The following SCAPER variants were observed in gnomAD, a reference collection of about 807,000 sequenced individuals.
SCAPER encodes the protein S phase cyclin A-associated protein in the endoplasmic reticulum.
Under a neutral mutation model 182.2 loss-of-function variants are expected in SCAPER, and 98 were observed. That is an observed-to-expected ratio of 0.54 (90% CI 0.46 to 0.64). The LOEUF (loss-of-function observed/expected upper bound fraction) is 0.64. Ranked by LOEUF, SCAPER falls within the 30% of genes least tolerant of loss-of-function variation. SCAPER has a pLI of 0.00. For synonymous variants in SCAPER, 605 were observed against 564.6 expected, an observed-to-expected ratio of 1.07 and a Z score of -1.01; for missense variants, 1,432 against 1,690.0, an observed-to-expected ratio of 0.85 and a Z score of 2.68.
At chr15:76,722,027 G>T (rs575030837) in intron 17 of SCAPER, among the ~76,000 whole-genome samples, 2 of 152,022 alleles carry the variant, frequency 1.3e-5, no homozygotes, top group Admixed American at 6.6e-5. Flanking sequence ...GAATGCTTCC[G>T]GTTTTTGTCC....
chr15:76,574,399 C>T, intron 22 of SCAPER, 115 bp from the exon 23 acceptor site: 2 of 1,225,914 alleles, frequency 1.6e-6, no homozygotes, highest in Non-Finnish European at 2.2e-6. Context: ...AAATGCTTCA[C>T]AGAGCATCTG....
chr15:76,563,653 C>A (rs759322139), intron 23 of SCAPER, among the ~76,000 whole-genome samples: 17 of 152,154 alleles, frequency 1.1e-4, no homozygotes, highest in Non-Finnish European at 1.6e-4. Flanking sequence ...GGACTCCCCC[C>A]CAGTTCATTC....
At chr15:76,517,540 T>C (rs1049145464) in intron 23 of SCAPER, among the ~76,000 whole-genome samples, 28 of 151,990 alleles carry the variant, frequency 1.8e-4, no homozygotes, top group Admixed American at 1.7e-3. Context: ...TTAGTAGAGA[T>C]GGGGTTTCAC....
At chr15:76,573,340 T>C (rs532013116) in intron 23 of SCAPER, among the ~76,000 whole-genome samples, 1 of 152,250 alleles carries the variant, frequency 6.6e-6, no homozygotes, top group African/African-American at 2.4e-5. Flanking sequence ...GTATTCATAT[T>C]ATTTTTTATT....
At position 76,754,521 on chromosome 15, in the gene SCAPER, T is replaced by C. The variant is rs566280655; in HGVS notation, c.1726-573A>G. ...CTACAAAAAAAGATAGATGTAGTAA[T>C]TGCTATTTGATGTTATTTTAAGAAA... On this transcript the variant is annotated intron_variant, in intron 14 of 31. Transcript: ENST00000563290. Among the ~76,000 whole-genome samples the C allele has an allele frequency of 2.0e-5, 3 of 152,196 alleles. No homozygotes were observed. In the South Asian group the frequency reaches 6.2e-4, roughly 32 times the overall value.
chr15:76,816,322 T>C (rs1252618959), intron 5 of SCAPER, among the ~76,000 whole-genome samples: 1 of 152,194 alleles, frequency 6.6e-6, no homozygotes, highest in Non-Finnish European at 1.5e-5. Context: ...CAAAATTATC[T>C]TTATAACCTC....
Position 76,585,903 on chromosome 15 carries a change from T to C in SCAPER, c.2712-11619A>G, listed in dbSNP as rs930716743. 5.3e-5 allele frequency among the ~76,000 whole-genome samples: 8 copies of C among 152,196 alleles called. No homozygotes were observed. The East Asian group carries it at 1.5e-3, about 29-fold the overall frequency. On this transcript the variant is annotated intron_variant, in intron 22 of 31. Coordinates refer to ENST00000563290, the MANE Select transcript of SCAPER (RefSeq NM_020843.4). ...AAAAACAGGAGCTGCTTAGAGAGTG[T>C]AGTTTTTAACAACAGAAAGTTTTAT...
intron 14 of SCAPER, among the ~76,000 whole-genome samples, chr15:76,759,959 T>C (rs1035740987): frequency 1.2e-4 from 19 of 152,240 alleles, no homozygotes; most frequent in African/African-American, 3.6e-4. Context: ...GGAATCAGAG[T>C]GATGCTGGCC....
chr15:76,614,649 T>C lies in SCAPER; in HGVS notation c.2711+7115A>G, dbSNP rs549329386. ...AAAATGAAAGCACAACATATCAAAA[T>C]GCATGAGACACAGTGAAAGAAGGGG... On this transcript the variant is annotated intron_variant, in intron 22 of 31. Coordinates refer to ENST00000563290, the MANE Select transcript of SCAPER (RefSeq NM_020843.4). Among the ~76,000 whole-genome samples the C allele has an allele frequency of 2.5e-4, 38 of 152,122 alleles. 1 individual carries two copies. Among genetic ancestry groups the C allele is most frequent in the South Asian group, 4.1e-4 (2 of 4,824 alleles).
Position 76,348,679 on chromosome 15 carries a change from G to T in SCAPER, c.4157C>A (p.Ala1386Asp). 6.4e-7 allele frequency: 1 copy of T among 1,556,262 alleles called. No homozygotes were observed. The highest frequency in any genetic ancestry group is 1.7e-4 in the Middle Eastern group (1 of 5,984). Residue 1386 changes from alanine to aspartate, a missense_variant, in exon 32 of 32, where the codon GCC becomes GAC. Physicochemically the swap from Ala to Asp is moderately radical, Grantham distance 126. This residue lies in a region of SCAPER where 718 missense variants were observed against 799.7 expected (regional missense o/e 0.90). Transcript: ENST00000563290. ...GAAAAACTGTCGAGCTTCTTCCCAGGCCTGCTGAGGAAATCTGTTAGCCAG... is the reference window on the plus strand; with the variant it reads ...GAAAAACTGTCGAGCTTCTTCCCAGTCCTGCTGAGGAAATCTGTTAGCCAG... ...LELANRFPQQ[A>D]WEEARQFFLK...
chr15:76,511,803 A>T, intron 23 of SCAPER, among the ~76,000 whole-genome samples: 1 of 151,232 alleles, frequency 6.6e-6, no homozygotes. Context: ...GCTGAATGAG[A>T]AGGAAGGCTG....
At chr15:76,389,948 C>G (rs1012173129) in intron 27 of SCAPER, among the ~76,000 whole-genome samples, 2 of 151,588 alleles carry the variant, frequency 1.3e-5, no homozygotes, top group African/African-American at 4.9e-5. Context: ...CAGGTGAACT[C>G]AAAGAGGAAC....
At chr15:76,458,341 TAG>T (rs745869190) in intron 25 of SCAPER, among the ~76,000 whole-genome samples, 10 of 151,882 alleles carry the variant, frequency 6.6e-5, no homozygotes, top group Non-Finnish European at 1.2e-4. Flanking sequence ...AAATCATATA[TAG>T]AGAGAGAATA....
intron 5 of SCAPER, among the ~76,000 whole-genome samples, chr15:76,810,877 A>G (rs2066549166): frequency 6.6e-6 from 1 of 152,116 alleles, no homozygotes; most frequent in African/African-American, 2.4e-5. Context: ...AAAAGAAAGT[A>G]GAAATGACTA....
At chr15:76,568,423 T>C (rs2047200449) in intron 23 of SCAPER, among the ~76,000 whole-genome samples, 1 of 152,112 alleles carries the variant, frequency 6.6e-6, no homozygotes, top group African/African-American at 2.4e-5. Flanking sequence ...TGGCGCGATC[T>C]TGGCTCACTG....
In SCAPER at chr15:76,411,981, C is replaced by G. The variant is rs561329299; in HGVS notation, c.3312-7302G>C. The stretch of plus-strand genomic sequence containing the variant: ...ATAAATCTTTCCCCCATTCCATGAC[C>G]GCAAAGATATATATAGTCCCATATT... On this transcript the variant is annotated intron_variant, in intron 26 of 31. Transcript: ENST00000563290. Among the ~76,000 whole-genome samples the G allele has an allele frequency of 2.0e-5, 3 of 152,122 alleles. No homozygotes were observed. In the South Asian group the frequency reaches 6.2e-4, roughly 32 times the overall value.
chr15:76,432,447 G>C (rs914326127), intron 26 of SCAPER, among the ~76,000 whole-genome samples: 3 of 152,220 alleles, frequency 2.0e-5, no homozygotes, highest in African/African-American at 7.2e-5. Flanking sequence ...CTACAAGAAA[G>C]CAGAAGAAAT....
intron 20 of SCAPER, among the ~76,000 whole-genome samples, chr15:76,673,451 C>A (rs781207349): frequency 6.6e-6 from 1 of 151,996 alleles, no homozygotes; most frequent in African/African-American, 2.4e-5. Context: ...GATGGTGGTA[C>A]TATTAGTAAT....
chr15:76,584,396 A>G (rs1248323383), intron 22 of SCAPER, among the ~76,000 whole-genome samples: 1 of 152,234 alleles, frequency 6.6e-6, no homozygotes, highest in African/African-American at 2.4e-5. Flanking sequence ...ACATTTTTAA[A>G]TAACAGAGTA....
Sources: gnomAD v4.1 joint callset for allele counts (sites outside exome capture counted in the v4.1 genomes callset) on GRCh38, gnomAD v4.1.1 for gene constraint, gnomAD v4.1.1 regional missense constraint, MANE v1.5 for transcripts, NCBI Gene and HGNC (gene_info 2026-07-23, HGNC 2026-07-21) for gene names.